Variants in MATN2 observed in about 807,000 individuals in gnomAD.
MATN2 encodes matrilin 2, also known as matrilin-2.
A neutral mutation model predicts 103.2 loss-of-function variants in MATN2; 69 were observed. That is an observed-to-expected ratio of 0.67 (90% CI 0.55 to 0.82). MATN2 has a LOEUF of 0.82. Among genes scored for constraint, MATN2 ranks in the 40% least tolerant of loss-of-function variants. The pLI, the probability that MATN2 is intolerant of heterozygous loss-of-function variation, is 0.00. For synonymous variants in MATN2, 429 were observed against 450.2 expected (o/e 0.95, Z 0.60); for missense variants, 1,023 against 1,211.5 (o/e 0.84, Z 2.31).
chr8:97,981,020 GT>G lies in MATN2; in HGVS notation c.1081+2022del, dbSNP rs138595230. On this transcript the variant is annotated intron_variant, in intron 6 of 18. Coordinates refer to ENST00000254898, the MANE Select transcript of MATN2 (RefSeq NM_002380.5). ...GAGGGACCCTATTTCTACAAAAACTGTTTTTTTTTTAATTAGCCAGGTATGG... is the reference window on the plus strand; with the variant it reads ...GAGGGACCCTATTTCTACAAAAACTGTTTTTTTTTAATTAGCCAGGTATGG... Among the ~76,000 whole-genome samples, 374 of 148,336 alleles carry G rather than the reference GT, an allele frequency of 2.5e-3. 2 individuals carry two copies. The highest frequency in any genetic ancestry group is 6.2e-3 in the African/African-American group (249 of 40,430).
At chr8:98,010,695 A>G (rs1457123751) in intron 10 of MATN2, among the ~76,000 whole-genome samples, 1 of 152,126 alleles carries the variant, frequency 6.6e-6, no homozygotes, top group Non-Finnish European at 1.5e-5. Context: ...CCAGAGACAC[A>G]CAACTCTGGA....
intron 2 of MATN2, among the ~76,000 whole-genome samples, chr8:97,916,670 CTGTT>C (rs1005593957): frequency 6.6e-6 from 1 of 152,180 alleles, no homozygotes; most frequent in African/African-American, 2.4e-5. Context: ...AAGAAAAAGA[CTGTT>C]TGTATAGCAA....
intron 5 of MATN2, 81 bp downstream of exon 5, chr8:97,961,611 C>T: frequency 7.2e-7 from 1 of 1,388,066 alleles, no homozygotes; most frequent in African/African-American, 1.5e-5. Context: ...CGTGTACCTC[C>T]CACATATTTG....
At chr8:97,925,700 T>G (rs1287453339) in intron 2 of MATN2, among the ~76,000 whole-genome samples, 1 of 152,128 alleles carries the variant, frequency 6.6e-6, no homozygotes, top group Non-Finnish European at 1.5e-5. Context: ...GTCACACAGG[T>G]TAAGGAGAGG....
intron 6 of MATN2, among the ~76,000 whole-genome samples, chr8:97,979,277 C>T (rs1013009778): frequency 9.9e-5 from 15 of 152,152 alleles, no homozygotes; most frequent in South Asian, 8.3e-4. Flanking sequence ...GCTGACAATC[C>T]GAGCAACTTA....
intron 10 of MATN2, among the ~76,000 whole-genome samples, chr8:98,013,595 A>T (rs927661126): frequency 6.6e-6 from 1 of 152,204 alleles, no homozygotes; most frequent in Admixed American, 6.5e-5. Context: ...AAAAAGTCTA[A>T]AGGCCCAGGC....
intron 1 of MATN2, among the ~76,000 whole-genome samples, chr8:97,880,641 G>A (rs987816576): frequency 1.3e-5 from 2 of 152,178 alleles, no homozygotes; most frequent in Admixed American, 1.3e-4. Flanking sequence ...ATGCTTAAAA[G>A]CTAACTTAAC....
chr8:97,973,482 C>G (rs577935114), intron 5 of MATN2, among the ~76,000 whole-genome samples: 1 of 151,842 alleles, frequency 6.6e-6, no homozygotes, highest in Middle Eastern at 3.4e-3. Flanking sequence ...TTATTTAAAA[C>G]ACATAAATGT....
At chr8:97,996,769 G>T (rs1812601382) in intron 7 of MATN2, among the ~76,000 whole-genome samples, 1 of 152,166 alleles carries the variant, frequency 6.6e-6, no homozygotes, top group African/African-American at 2.4e-5. Context: ...AGGAAGCCAA[G>T]AAATTGGGTT....
intron 3 of MATN2, among the ~76,000 whole-genome samples, chr8:97,935,638 C>T (rs763406978): frequency 1.2e-4 from 19 of 152,050 alleles, no homozygotes; most frequent in East Asian, 3.9e-4. Flanking sequence ...AGGTGTGCGC[C>T]GCCATGACTG....
intron 15 of MATN2, chr8:98,031,452 C>T (rs1212584656): frequency 6.6e-6 from 1 of 152,186 alleles, no homozygotes; most frequent in Non-Finnish European, 1.5e-5. Context: ...TGTTTTGACA[C>T]ACCAGCATGC....
At chr8:97,919,828 A>G (rs1181070776) in intron 2 of MATN2, among the ~76,000 whole-genome samples, 3 of 152,202 alleles carry the variant, frequency 2.0e-5, no homozygotes, top group Admixed American at 2.0e-4. Context: ...TGTGTGAGAT[A>G]CTGGTGGAAG....
chr8:98,030,418 A>G, intron 14 of MATN2, 44 bp from the exon 15 acceptor site: 9 of 1,564,714 alleles, frequency 5.8e-6, no homozygotes, highest in Non-Finnish European at 7.8e-6. Context: ...GCCCCTGGGA[A>G]CACAACTCTA....
intron 7 of MATN2, among the ~76,000 whole-genome samples, chr8:97,997,389 G>T (rs1812622399): frequency 1.3e-5 from 2 of 152,200 alleles, no homozygotes. Context: ...ACACCCTGTT[G>T]CCTCTCCAGT....
chr8:97,969,927 T>C (rs943676744), intron 5 of MATN2, among the ~76,000 whole-genome samples: 6 of 152,296 alleles, frequency 3.9e-5, no homozygotes, highest in Non-Finnish European at 7.4e-5. Context: ...TAAAGAAATT[T>C]GGTAGAAGTT....
chr8:97,909,669 A>C lies in MATN2; in HGVS notation c.143-21284A>C, dbSNP rs144354767. On this transcript the variant is annotated intron_variant, in intron 2 of 18. Coordinates refer to ENST00000254898, the MANE Select transcript of MATN2 (RefSeq NM_002380.5). The stretch of plus-strand genomic sequence containing the variant: ...CTCTTGCCGAGTGAGTGAGGGGCCC[A>C]CGGTAGGAGATGAGATCAGAGAAGT... 6.6e-5 allele frequency among the ~76,000 whole-genome samples: 10 copies of C among 152,316 alleles called. No individual in the cohort carries two copies. The East Asian group carries it at 1.9e-3, about 29-fold the overall frequency.
intron 2 of MATN2, among the ~76,000 whole-genome samples, chr8:97,917,338 G>C (rs1809666414): frequency 6.6e-6 from 1 of 152,250 alleles, no homozygotes; most frequent in African/African-American, 2.4e-5. Context: ...AGGGTACGCA[G>C]AGCAAATTTG....
intron 2 of MATN2, among the ~76,000 whole-genome samples, chr8:97,913,495 A>G (rs1809518678): frequency 6.6e-6 from 1 of 151,812 alleles, no homozygotes; most frequent in Admixed American, 6.6e-5. Flanking sequence ...TTGTATTTTT[A>G]GTAGAGACGG....
intron 2 of MATN2, among the ~76,000 whole-genome samples, chr8:97,900,455 A>T (rs1194216460): frequency 6.6e-6 from 1 of 152,118 alleles, no homozygotes; most frequent in Admixed American, 6.6e-5. Flanking sequence ...CCCATGGGGG[A>T]TGAGCCCCAG....
Sources: gnomAD v4.1 joint callset for allele counts (sites outside exome capture counted in the v4.1 genomes callset) on GRCh38, gnomAD v4.1.1 for gene constraint, MANE v1.5 for transcripts, NCBI Gene and HGNC (gene_info 2026-07-23, HGNC 2026-07-21) for gene names.